The following PIGN variants were observed in gnomAD, a reference collection of about 807,000 sequenced individuals.
PIGN encodes the protein phosphatidylinositol glycan anchor biosynthesis class N.
PIGN carries 117 observed loss-of-function variants against 125.4 expected under a neutral mutation model. The observed-to-expected ratio is 0.93, with a 90% CI of 0.80 to 1.09. The LOEUF (loss-of-function observed/expected upper bound fraction) is 1.09, where lower values mean the gene tolerates loss of function less well. PIGN is among the 50% of genes least tolerant of loss of function. The pLI is 0.00. For synonymous variants in PIGN, 392 were observed against 377.8 expected, an observed-to-expected ratio of 1.04 and a Z score of -0.44; for missense variants, 1,075 against 1,094.9, an observed-to-expected ratio of 0.98 and a Z score of 0.26.
chr18:62,020,948 G>A (rs1418682056), intron 23 of PIGN, among the ~76,000 whole-genome samples: 5 of 140,792 alleles, frequency 3.6e-5, no homozygotes, highest in Admixed American at 7.1e-5. Flanking sequence ...GCGACTGAGC[G>A]AGACTCTGTC....
At chr18:62,104,281 G>A (rs972635295) in intron 20 of PIGN, among the ~76,000 whole-genome samples, 12 of 152,124 alleles carry the variant, frequency 7.9e-5, no homozygotes, top group African/African-American at 2.9e-4. Context: ...GAATACGCAA[G>A]TGGCAAATTT....
chr18:62,074,614 C>G (rs1271740225), intron 29 of PIGN, among the ~76,000 whole-genome samples, 165 bp downstream of exon 29: 1 of 152,060 alleles, frequency 6.6e-6, no homozygotes, highest in Admixed American at 6.6e-5. Context: ...AGCACACATC[C>G]TGCATAACTA....
intron 23 of PIGN, among the ~76,000 whole-genome samples, chr18:62,034,057 T>C (rs190161406): frequency 6.6e-6 from 1 of 152,174 alleles, no homozygotes; most frequent in Non-Finnish European, 1.5e-5. Flanking sequence ...CTAAACTGCA[T>C]TATCAGTTTC....
chr18:62,061,106 C>T (rs951033023), intron 30 of PIGN, among the ~76,000 whole-genome samples: 4 of 152,168 alleles, frequency 2.6e-5, no homozygotes, highest in Admixed American at 6.5e-5. Context: ...GTGTATGCTT[C>T]CTGAGTCTCA....
chr18:62,123,253 TA>T (rs1174950568), intron 14 of PIGN, among the ~76,000 whole-genome samples: 4 of 152,016 alleles, frequency 2.6e-5, no homozygotes, highest in African/African-American at 9.7e-5. Flanking sequence ...AAATGAAATT[TA>T]AAAAAATGAA....
intron 29 of PIGN, among the ~76,000 whole-genome samples, chr18:62,074,475 A>C (rs2033065730): frequency 6.6e-6 from 1 of 152,146 alleles, no homozygotes; most frequent in African/African-American, 2.4e-5. Flanking sequence ...TAGAAAAATG[A>C]TGTATTATCT....
At chr18:62,136,991 A>G in intron 14 of PIGN, 1 of 397,796 alleles carries the variant, frequency 2.5e-6, no homozygotes, top group Non-Finnish European at 4.4e-6. Context: ...TGAAGGATGT[A>G]AAGTATTGTT....
intron 10 of PIGN, among the ~76,000 whole-genome samples, 171 bp from the exon 11 acceptor site, chr18:62,143,517 G>C (rs1322581974): frequency 5.9e-5 from 9 of 151,904 alleles, no homozygotes; most frequent in Admixed American, 5.9e-4. Context: ...TTTTTTTAAA[G>C]AATTTAAAAA....
At chr18:62,123,868 A>T (rs1344945827) in intron 14 of PIGN, among the ~76,000 whole-genome samples, 1 of 152,108 alleles carries the variant, frequency 6.6e-6, no homozygotes, top group East Asian at 1.9e-4. Flanking sequence ...GAGAAGAAGA[A>T]GATCCACTAA....
At chr18:62,051,775 T>G (rs983796390) in intron 30 of PIGN, 2 of 152,228 alleles carry the variant, frequency 1.3e-5, no homozygotes, top group Non-Finnish European at 2.9e-5. Flanking sequence ...TCTTTTCTAG[T>G]TCGTTCAATT....
At chr18:62,167,284 ATATG>A (rs1243508609) in intron 1 of PIGN, among the ~76,000 whole-genome samples, 318 of 136,142 alleles carry the variant, frequency 2.3e-3, no homozygotes, top group African/African-American at 9.3e-3. Flanking sequence ...ATAGAGATAT[ATATG>A]TGTGTGTGTG....
At chr18:62,115,776 AT>A (rs1355702384) in intron 14 of PIGN, among the ~76,000 whole-genome samples, 2 of 152,134 alleles carry the variant, frequency 1.3e-5, no homozygotes, top group African/African-American at 4.8e-5. Flanking sequence ...CCAGAAGCTT[AT>A]CTATGAACTC....
At position 62,045,754 on chromosome 18, in the gene PIGN, A is replaced by AATATACT. The variant is rs2144982479; in HGVS notation, c.*95_*101dup. 8.8e-7 allele frequency: 1 copy of AATATACT among 1,133,704 alleles called. No homozygotes were observed. The highest frequency in any genetic ancestry group is 2.4e-5 in the East Asian group (1 of 41,808). The allele number at this position is 1,133,704 out of a possible 1,614,324, so 70.2% of individuals were successfully genotyped here. A position where few individuals can be genotyped will look rare whatever the true frequency, so the allele number is the denominator to read the frequency against. On this transcript the variant is annotated 3_prime_UTR_variant, in exon 31 of 31. Transcript: ENST00000640252. Reference sequence around the variant, plus strand: ...AATACCATTTTCCTTACAGGAGTAGAATATACTATATATCCATATCCATCT... The same window carrying AATATACT: ...AATACCATTTTCCTTACAGGAGTAGAATATACTATATACTATATATCCATATCCATCT...
intron 29 of PIGN, among the ~76,000 whole-genome samples, chr18:62,074,022 A>G (rs537468947): frequency 6.6e-6 from 1 of 152,344 alleles, no homozygotes; most frequent in African/African-American, 2.4e-5. Context: ...AGCCCCACTA[A>G]AAAGTCTGGA....
chr18:62,114,005 C>A (rs1464012353), intron 15 of PIGN, among the ~76,000 whole-genome samples: 1 of 152,074 alleles, frequency 6.6e-6, no homozygotes, highest in African/African-American at 2.4e-5. Context: ...AGAAGGGTGA[C>A]ACAAACTTGG....
intron 23 of PIGN, among the ~76,000 whole-genome samples, chr18:62,090,866 G>GC (rs1261895998): frequency 5.9e-5 from 9 of 151,892 alleles, no homozygotes; most frequent in African/African-American, 2.2e-4. Context: ...GAGAAAGAAG[G>GC]CATGAAGACA....
At chr18:62,121,864 T>C (rs968430430) in intron 14 of PIGN, among the ~76,000 whole-genome samples, 8 of 151,918 alleles carry the variant, frequency 5.3e-5, no homozygotes, top group Non-Finnish European at 7.4e-5. Context: ...TATATTGATT[T>C]CCTTTCTTTT....
At chr18:62,079,421 G>A (rs189492391) in intron 28 of PIGN, among the ~76,000 whole-genome samples, 1 of 152,186 alleles carries the variant, frequency 6.6e-6, no homozygotes, top group Admixed American at 6.5e-5. Flanking sequence ...AATAGTAGGA[G>A]AAATTAGCAT....
chr18:62,034,223 G>A (rs1158789450), intron 23 of PIGN, among the ~76,000 whole-genome samples: 2 of 152,232 alleles, frequency 1.3e-5, no homozygotes, highest in Non-Finnish European at 2.9e-5. Context: ...GAAAGCCAAT[G>A]TGTTCCTTGT....
Sources: gnomAD v4.1 joint callset for allele counts (sites outside exome capture counted in the v4.1 genomes callset) on GRCh38, gnomAD v4.1.1 for gene constraint, MANE v1.5 for transcripts, NCBI Gene and HGNC (gene_info 2026-07-23, HGNC 2026-07-21) for gene names.